The following PALM2AKAP2 variants were observed in gnomAD, a reference collection of about 807,000 sequenced individuals.
PALM2AKAP2 encodes the protein PALM2-AKAP2 fusion protein.
PALM2AKAP2 carries 37 observed loss-of-function variants against 71.5 expected under a neutral mutation model. That is an observed-to-expected ratio of 0.52 (90% CI 0.40 to 0.68). PALM2AKAP2 has a LOEUF of 0.68. PALM2AKAP2 is among the 30% of genes least tolerant of loss of function. The pLI is 0.00. For missense variants in PALM2AKAP2, 1,224 were observed against 1,191.8 expected, an observed-to-expected ratio of 1.03 and a Z score of -0.40; for synonymous variants, 468 against 478.8, an observed-to-expected ratio of 0.98 and a Z score of 0.29.
intron 1 of PALM2AKAP2, among the ~76,000 whole-genome samples, chr9:109,843,301 CA>C (rs35634219): frequency 0.18 from 12,131 of 66,790 alleles, 440 homozygotes; most frequent in South Asian, 0.26. Flanking sequence ...GCCCCTGTCT[CA>C]AAAAAAAAAA....
intron 3 of PALM2AKAP2, among the ~76,000 whole-genome samples, chr9:110,156,822 T>C (rs2119221937): frequency 6.6e-6 from 1 of 152,320 alleles, no homozygotes; most frequent in South Asian, 2.1e-4. Flanking sequence ...GCAAGTGCCC[T>C]GAAATCATCC....
intron 6 of PALM2AKAP2, among the ~76,000 whole-genome samples, chr9:109,954,097 C>T (rs1393015079): frequency 6.6e-6 from 1 of 152,074 alleles, no homozygotes; most frequent in Non-Finnish European, 1.5e-5. Flanking sequence ...CATCAGGAGT[C>T]CTGTTGTTCT....
At chr9:109,917,061 A>C (rs991912680) in intron 3 of PALM2AKAP2, among the ~76,000 whole-genome samples, 1 of 152,218 alleles carries the variant, frequency 6.6e-6, no homozygotes. Flanking sequence ...ATCTGGGTAC[A>C]CTTTGTATAA....
At chr9:109,799,070 C>T (rs1422722621) in intron 1 of PALM2AKAP2, among the ~76,000 whole-genome samples, 1 of 152,208 alleles carries the variant, frequency 6.6e-6, no homozygotes, top group Non-Finnish European at 1.5e-5. Flanking sequence ...CTCCTAACCT[C>T]CCCAAGAGGG....
chr9:109,769,273 G>T (rs1428264257), intron 1 of PALM2AKAP2, among the ~76,000 whole-genome samples: 1 of 152,142 alleles, frequency 6.6e-6, no homozygotes, highest in Non-Finnish European at 1.5e-5. Context: ...TGGGCTGGGG[G>T]TGTTACAATG....
chr9:109,803,204 T>C (rs1198752383), intron 1 of PALM2AKAP2, among the ~76,000 whole-genome samples: 2 of 152,236 alleles, frequency 1.3e-5, no homozygotes, highest in Admixed American at 1.3e-4. Context: ...CAATAGCATA[T>C]CTTAGAATTG....
intron 1 of PALM2AKAP2, among the ~76,000 whole-genome samples, chr9:109,685,328 C>T (rs1037506183): frequency 6.6e-6 from 1 of 151,962 alleles, no homozygotes; most frequent in South Asian, 2.1e-4. Flanking sequence ...TTGAAAAAGC[C>T]GATTTTTTAC....
chr9:109,975,299 T>A (rs1051666137), intron 6 of PALM2AKAP2, among the ~76,000 whole-genome samples: 10 of 152,118 alleles, frequency 6.6e-5, no homozygotes, highest in African/African-American at 2.4e-4. Context: ...CAAGTCCCAA[T>A]CCAGGTCCAA....
intron 1 of PALM2AKAP2, among the ~76,000 whole-genome samples, chr9:109,673,542 C>T (rs1304222326): frequency 2.0e-5 from 3 of 151,938 alleles, no homozygotes; most frequent in Admixed American, 1.3e-4. Context: ...AGAGTATGTG[C>T]CACGTGGCAA....
In PALM2AKAP2 at chr9:110,153,299, C is replaced by T. The variant is rs572110036; in HGVS notation, c.2570-3020C>T. On this transcript the variant is annotated intron_variant, in intron 2 of 3. Coordinates refer to ENST00000374525, the Ensembl canonical transcript of PALM2AKAP2. Reference sequence around the variant, plus strand: ...TTTGGGCTCCAGACTGTGACTGTCACTGTCTTATGTAACTTGGGCTGGAGT... The same window carrying T: ...TTTGGGCTCCAGACTGTGACTGTCATTGTCTTATGTAACTTGGGCTGGAGT... Among the ~76,000 whole-genome samples, 6 of 152,342 alleles carry T rather than the reference C, an allele frequency of 3.9e-5. No homozygotes were observed. The South Asian group carries it at 1.0e-3, about 26-fold the overall frequency.
intron 1 of PALM2AKAP2, among the ~76,000 whole-genome samples, chr9:109,694,957 C>A (rs1827949358): frequency 6.6e-6 from 1 of 151,964 alleles, no homozygotes; most frequent in Non-Finnish European, 1.5e-5. Context: ...GGTATTAGGA[C>A]AAGTGAGATG....
chr9:110,043,463 A>C (rs1335183932), intron 7 of PALM2AKAP2, among the ~76,000 whole-genome samples: 1 of 152,114 alleles, frequency 6.6e-6, no homozygotes, highest in Non-Finnish European at 1.5e-5. Context: ...TAGAGTTATC[A>C]CCAAATTATC....
At chr9:109,728,049 C>A (rs1372651568) in intron 1 of PALM2AKAP2, among the ~76,000 whole-genome samples, 1 of 152,208 alleles carries the variant, frequency 6.6e-6, no homozygotes, top group African/African-American at 2.4e-5. Flanking sequence ...GAGTCTCCTC[C>A]ACTACAGTTT....
chr9:109,780,405 C>A, upstream of PALM2AKAP2: 1 of 1,610,838 alleles, frequency 6.2e-7, no homozygotes, highest in Non-Finnish European at 8.5e-7. Flanking sequence ...GCAAAGCCCC[C>A]CGGGGTGCCC....
chr9:109,825,864 G>A (rs1039057113), intron 1 of PALM2AKAP2, among the ~76,000 whole-genome samples: 1 of 152,260 alleles, frequency 6.6e-6, no homozygotes, highest in South Asian at 2.1e-4. Context: ...CCATTACTGG[G>A]TATATACACA....
At chr9:109,776,603 T>G (rs977382685), upstream of PALM2AKAP2, among the ~76,000 whole-genome samples, 1 of 152,208 alleles carries the variant, frequency 6.6e-6, no homozygotes, top group Non-Finnish European at 1.5e-5. Flanking sequence ...CAGGGGGATC[T>G]GGGGAACAAG....
chr9:109,994,084 G>A (rs954668687), intron 6 of PALM2AKAP2, among the ~76,000 whole-genome samples: 1 of 152,186 alleles, frequency 6.6e-6, no homozygotes, highest in African/African-American at 2.4e-5. Flanking sequence ...AATGGAGCCT[G>A]CCAGTGCCAG....
intron 1 of PALM2AKAP2, among the ~76,000 whole-genome samples, chr9:109,781,750 G>A (rs967456384): frequency 6.6e-6 from 1 of 152,180 alleles, no homozygotes; most frequent in Non-Finnish European, 1.5e-5. Flanking sequence ...GAAATGCCAT[G>A]GTTTGCCTAT....
intron 1 of PALM2AKAP2, among the ~76,000 whole-genome samples, chr9:109,755,892 A>T (rs1270666754): frequency 6.6e-6 from 1 of 152,104 alleles, no homozygotes; most frequent in African/African-American, 2.4e-5. Context: ...ATACTTGGTG[A>T]AAAACTGTAA....
Sources: gnomAD v4.1 joint callset for allele counts (sites outside exome capture counted in the v4.1 genomes callset) on GRCh38, gnomAD v4.1.1 for gene constraint, MANE v1.5 for transcripts, NCBI Gene and HGNC (gene_info 2026-07-23, HGNC 2026-07-21) for gene names.